The following MKX variants were observed in gnomAD, a reference collection of about 807,000 sequenced individuals.
MKX encodes the protein mohawk homeobox.
In MKX, 13 loss-of-function variants were observed where a neutral mutation model predicts 36.0. The ratio of observed to expected loss-of-function variants is 0.36; its 90% CI spans 0.24 to 0.57. The LOEUF (loss-of-function observed/expected upper bound fraction) is 0.57, where lower values mean the gene tolerates loss of function less well. Ranked by LOEUF, MKX falls within the 20% of genes least tolerant of loss-of-function variation. The pLI is 0.79. For synonymous variants in MKX, 176 were observed against 178.3 expected (o/e 0.99, Z 0.10); for missense variants, 458 against 456.4 (o/e 1.00, Z -0.03).
chr10:27,727,762 G>A (rs961087176), intron 5 of MKX, among the ~76,000 whole-genome samples: 7 of 152,192 alleles, frequency 4.6e-5, no homozygotes, highest in African/African-American at 1.4e-4. Context: ...GCAAGTTTCC[G>A]ATTGTGATTA....
At chr10:27,694,212 T>C (rs1016047055) in intron 5 of MKX, among the ~76,000 whole-genome samples, 2 of 151,928 alleles carry the variant, frequency 1.3e-5, no homozygotes, top group Admixed American at 6.6e-5. Flanking sequence ...TAACAACCAC[T>C]AACATACTCT....
intron 5 of MKX, among the ~76,000 whole-genome samples, chr10:27,682,840 ATGGTG>A (rs1460744557): frequency 6.6e-6 from 1 of 152,020 alleles, no homozygotes; most frequent in African/African-American, 2.4e-5. Flanking sequence ...TTAGCCAGGC[ATGGTG>A]GCAGTCACCT....
At chr10:27,738,809 T>A (rs928717590) in intron 3 of MKX, among the ~76,000 whole-genome samples, 1 of 152,104 alleles carries the variant, frequency 6.6e-6, no homozygotes, top group African/African-American at 2.4e-5. Context: ...TTGAACACAC[T>A]GAATTAACGA....
intron 5 of MKX, among the ~76,000 whole-genome samples, chr10:27,733,416 T>C (rs1462849339): frequency 7.9e-5 from 12 of 152,200 alleles, no homozygotes; most frequent in Non-Finnish European, 1.5e-4. Flanking sequence ...GTTTATATCA[T>C]AGGGCCTAGT....
intron 5 of MKX, among the ~76,000 whole-genome samples, chr10:27,700,266 A>G (rs936100846): frequency 3.3e-5 from 5 of 152,334 alleles, no homozygotes; most frequent in Admixed American, 6.5e-5. Context: ...GGCAACATTT[A>G]TTTCAGTCTT....
At chr10:27,678,869 G>C (rs899976241) in intron 5 of MKX, among the ~76,000 whole-genome samples, 1 of 152,108 alleles carries the variant, frequency 6.6e-6, no homozygotes, top group Non-Finnish European at 1.5e-5. Flanking sequence ...CTTACTCTTT[G>C]GGTGTATGTG....
At chr10:27,725,640 G>A (rs1179132036) in intron 5 of MKX, among the ~76,000 whole-genome samples, 1 of 151,074 alleles carries the variant, frequency 6.6e-6, no homozygotes, top group African/African-American at 2.4e-5. Flanking sequence ...AACAAAGTAG[G>A]GAGGCAGAAA....
chr10:27,687,837 G>T (rs886553338), intron 5 of MKX, among the ~76,000 whole-genome samples: 1 of 152,204 alleles, frequency 6.6e-6, no homozygotes, highest in Non-Finnish European at 1.5e-5. Flanking sequence ...GTCAGCGGGG[G>T]ATGAGAAAGA....
At chr10:27,696,514 T>C (rs1311196462) in intron 5 of MKX, among the ~76,000 whole-genome samples, 1 of 152,232 alleles carries the variant, frequency 6.6e-6, no homozygotes, top group Non-Finnish European at 1.5e-5. Context: ...AGTTATGTTA[T>C]GTCTATGATT....
chr10:27,692,041 T>C (rs1836464083), intron 5 of MKX, among the ~76,000 whole-genome samples: 1 of 152,232 alleles, frequency 6.6e-6, no homozygotes, highest in Non-Finnish European at 1.5e-5. Flanking sequence ...TTTGGTCGAA[T>C]GATTTATTTT....
At chr10:27,730,145 T>C (rs960014768) in intron 5 of MKX, among the ~76,000 whole-genome samples, 16 of 152,236 alleles carry the variant, frequency 1.1e-4, no homozygotes, top group African/African-American at 3.1e-4. Context: ...ATTAATTACA[T>C]TTAGATGCAA....
chr10:27,731,651 T>A (rs58410046), intron 5 of MKX, among the ~76,000 whole-genome samples: 1,883 of 33,792 alleles, frequency 0.056, 42 homozygotes, highest in African/African-American at 0.15. Flanking sequence ...ATTGCTTGCA[T>A]AACTAAAAAA....
intron 5 of MKX, chr10:27,718,574 A>C: frequency 2.2e-6 from 1 of 446,494 alleles, no homozygotes; most frequent in Non-Finnish European, 4.5e-6. Context: ...AGGAGTCCTC[A>C]CTCAAAGAAC....
At chr10:27,710,326 T>C (rs929558957) in intron 5 of MKX, among the ~76,000 whole-genome samples, 1 of 152,252 alleles carries the variant, frequency 6.6e-6, no homozygotes, top group African/African-American at 2.4e-5. Context: ...CTTTGCTTCC[T>C]ATTCTTGATC....
Position 27,743,286 on chromosome 10 carries a change from C to A in MKX, c.130G>T (p.Gly44Cys), listed in dbSNP as rs752500845. Residue 44 changes from glycine to cysteine, a missense_variant, in exon 2 of 7, where the codon GGC becomes TGC. Physicochemically the swap from Gly to Cys is radical, Grantham distance 159. Coordinates refer to ENST00000419761, the MANE Select transcript of MKX (RefSeq NM_173576.3). ...LDSPHARPEV[G>C]IPDGPPLKDN... Reference sequence around the variant, plus strand: ...TTGAGGGGCGGGCCGTCGGGAATGCCCACCTCGGGGCGGGCGTGAGGACTG... The same window carrying A: ...TTGAGGGGCGGGCCGTCGGGAATGCACACCTCGGGGCGGGCGTGAGGACTG... 2 of 1,552,040 alleles carry A rather than the reference C, an allele frequency of 1.3e-6. No homozygotes were observed. Among genetic ancestry groups the A allele is most frequent in the South Asian group, 1.2e-5 (1 of 81,532 alleles).
chr10:27,730,831 T>C (rs1393129824), intron 5 of MKX, among the ~76,000 whole-genome samples: 1 of 151,822 alleles, frequency 6.6e-6, no homozygotes, highest in Non-Finnish European at 1.5e-5. Context: ...AATGGATGAA[T>C]AATTGGATAA....
At position 27,743,435 on chromosome 10, in the gene MKX, G is replaced by C; in HGVS notation, c.-20C>G. The C allele has an allele frequency of 6.6e-7, 1 of 1,519,756 alleles. No individual in the cohort carries two copies. Among genetic ancestry groups the C allele is most frequent in the Non-Finnish European group, 8.8e-7 (1 of 1,137,796 alleles). 94.1% of individuals were successfully genotyped at this position (1,519,756 alleles called of 1,614,324 possible). Reference sequence around the variant, plus strand: ...GTTCATGGTGTCGGTTGGTAGGGACGCGCGGCGCGGCCGCAGAGCCTCGGG... The same window carrying C: ...GTTCATGGTGTCGGTTGGTAGGGACCCGCGGCGCGGCCGCAGAGCCTCGGG... On this transcript the variant is annotated 5_prime_UTR_variant, in exon 2 of 7. Transcript: ENST00000419761.
intron 5 of MKX, among the ~76,000 whole-genome samples, chr10:27,710,665 T>G (rs775679362): frequency 5.3e-5 from 8 of 152,206 alleles, no homozygotes; most frequent in East Asian, 1.9e-4. Flanking sequence ...TATTTTTATT[T>G]ATTGATTGAT....
Position 27,743,300 on chromosome 10 carries a change from G to A in MKX, c.116C>T (p.Ala39Val), listed in dbSNP as rs758710349. 1 of 1,557,964 alleles carries A rather than the reference G, an allele frequency of 6.4e-7. No individual in the cohort carries two copies. The highest frequency in any genetic ancestry group is 2.0e-5 in the Admixed American group (1 of 49,176). Residue 39 changes from alanine to valine, a missense_variant, in exon 2 of 7, where the codon GCC (alanine) becomes GTC (valine). Transcript: ENST00000419761. Reference sequence around the variant, plus strand: ...GTCGGGAATGCCCACCTCGGGGCGGGCGTGAGGACTGTCCAGGACACCGCT... The same window carrying A: ...GTCGGGAATGCCCACCTCGGGGCGGACGTGAGGACTGTCCAGGACACCGCT... ...PYSGVLDSPHARPEVGIPDGP... is the reference protein window; with the variant it reads ...PYSGVLDSPHVRPEVGIPDGP...
Sources: allele counts gnomAD v4.1 joint callset (sites outside exome capture counted in the v4.1 genomes callset), GRCh38; gene constraint gnomAD v4.1.1; transcripts MANE v1.5; gene names NCBI Gene and HGNC (gene_info 2026-07-23, HGNC 2026-07-21).